DPP10: variants seen among roughly 807,000 people sequenced by gnomAD.
DPP10 encodes the protein dipeptidyl peptidase like 10.
In DPP10, 33 loss-of-function variants were observed where a neutral mutation model predicts 120.9. The observed-to-expected ratio is 0.27, with a 90% CI of 0.21 to 0.37. DPP10 has a LOEUF of 0.37. DPP10 is among the 10% of genes least tolerant of loss of function. The probability of loss-of-function intolerance (pLI) is 1.00; values close to 1 mark genes in which losing one functional copy is unlikely to be tolerated. For synonymous variants in DPP10, 337 were observed against 326.1 expected (o/e 1.03, Z -0.36); for missense variants, 816 against 942.8 (o/e 0.87, Z 1.76).
At chr2:114,922,400 C>T (rs1449247349) in intron 1 of DPP10, among the ~76,000 whole-genome samples, 3 of 152,200 alleles carry the variant, frequency 2.0e-5, no homozygotes, top group Admixed American at 6.5e-5. Context: ...GCAACCTCCG[C>T]TTTCTGGGTT....
intron 1 of DPP10, among the ~76,000 whole-genome samples, chr2:114,509,221 T>C (rs749987497): frequency 6.6e-6 from 1 of 152,244 alleles, no homozygotes; most frequent in Non-Finnish European, 1.5e-5. Context: ...TCTCTTTGGT[T>C]TGAACTAGGT....
intron 3 of DPP10, among the ~76,000 whole-genome samples, chr2:115,435,502 G>A (rs1444685716): frequency 6.6e-6 from 1 of 151,696 alleles, no homozygotes; most frequent in African/African-American, 2.4e-5. Context: ...CTTCTTTTGA[G>A]AAATGTCTGT....
chr2:114,694,141 T>G (rs1448445852), intron 1 of DPP10, among the ~76,000 whole-genome samples: 1 of 151,980 alleles, frequency 6.6e-6, no homozygotes, highest in Admixed American at 6.6e-5. Flanking sequence ...GAAAATTACC[T>G]TTCTTTGAAC....
intron 1 of DPP10, among the ~76,000 whole-genome samples, chr2:114,546,259 A>G (rs1222501642): frequency 1.3e-5 from 2 of 152,180 alleles, no homozygotes; most frequent in African/African-American, 2.4e-5. Context: ...AAAGCTTCCA[A>G]TCATGGCAGA....
chr2:114,973,683 AGT>A (rs1699553429), intron 1 of DPP10, among the ~76,000 whole-genome samples: 2 of 145,096 alleles, frequency 1.4e-5, no homozygotes, highest in African/African-American at 2.5e-5. Context: ...AAAAAAAAAA[AGT>A]TAACTGTAAA....
intron 3 of DPP10, among the ~76,000 whole-genome samples, chr2:115,355,955 G>A (rs1380263165): frequency 6.6e-6 from 1 of 152,160 alleles, no homozygotes; most frequent in Non-Finnish European, 1.5e-5. Flanking sequence ...TTTGGTGACT[G>A]TAGCCATGTA....
Position 115,130,104 on chromosome 2 carries a change from T to C in DPP10, c.61-179135T>C, listed in dbSNP as rs551908236. On this transcript the variant is annotated intron_variant, in intron 1 of 25. Transcript: ENST00000410059. Reference sequence around the variant, plus strand: ...CCCTCCTATCCATATATCTCTACTATCACTCCAAAAATAAAAGTTTCATTG... The same window carrying C: ...CCCTCCTATCCATATATCTCTACTACCACTCCAAAAATAAAAGTTTCATTG... 9.2e-5 allele frequency among the ~76,000 whole-genome samples: 14 copies of C among 152,328 alleles called. No individual in the cohort carries two copies. The South Asian group carries it at 2.9e-3, about 32-fold the overall frequency.
At chr2:115,701,922 G>A (rs1228738837) in intron 7 of DPP10, among the ~76,000 whole-genome samples, 3 of 150,200 alleles carry the variant, frequency 2.0e-5, no homozygotes, top group Non-Finnish European at 4.4e-5. Flanking sequence ...ACCATTTTCG[G>A]TAGGTAAACA....
At chr2:114,719,336 C>A (rs972797611) in intron 1 of DPP10, among the ~76,000 whole-genome samples, 2 of 152,262 alleles carry the variant, frequency 1.3e-5, no homozygotes, top group South Asian at 2.1e-4. Flanking sequence ...TCAAGTCTCA[C>A]CTTGACATTT....
At chr2:114,790,530 G>A (rs1436639344) in intron 1 of DPP10, among the ~76,000 whole-genome samples, 1 of 152,158 alleles carries the variant, frequency 6.6e-6, no homozygotes, top group African/African-American at 2.4e-5. Flanking sequence ...ACATGGCTGT[G>A]TATTTCACCT....
intron 1 of DPP10, among the ~76,000 whole-genome samples, chr2:114,731,162 T>G (rs1198747746): frequency 6.6e-6 from 1 of 151,998 alleles, no homozygotes. Context: ...CTGGACGGTA[T>G]GTACTCAGCT....
At chr2:115,235,194 C>T (rs1301013459) in intron 1 of DPP10, among the ~76,000 whole-genome samples, 1 of 152,086 alleles carries the variant, frequency 6.6e-6, no homozygotes, top group Non-Finnish European at 1.5e-5. Context: ...ATTGGACTTA[C>T]CTTTGTAAGA....
chr2:115,012,039 A>G (rs1402427139), intron 1 of DPP10, among the ~76,000 whole-genome samples: 2 of 152,046 alleles, frequency 1.3e-5, no homozygotes, highest in Non-Finnish European at 2.9e-5. Flanking sequence ...GGCAACCTGG[A>G]TGAGTAAGCA....
chr2:114,641,339 C>T (rs926190814), intron 1 of DPP10, among the ~76,000 whole-genome samples: 10 of 151,852 alleles, frequency 6.6e-5, no homozygotes, highest in Non-Finnish European at 1.2e-4. Context: ...TTTCCATATT[C>T]GTGGCTAGCA....
intron 3 of DPP10, among the ~76,000 whole-genome samples, chr2:115,387,987 C>A (rs2067065653): frequency 6.6e-6 from 1 of 152,100 alleles, no homozygotes; most frequent in Non-Finnish European, 1.5e-5. Context: ...GTGACATTGC[C>A]CTGACAGCTA....
chr2:115,402,939 A>ATG (rs548981394), intron 3 of DPP10, among the ~76,000 whole-genome samples: 10,665 of 133,378 alleles, frequency 0.08, 561 homozygotes, highest in Non-Finnish European at 0.11. Flanking sequence ...GTATATATAT[A>ATG]TGTGTGTGTG....
At chr2:115,334,661 T>G (rs1230127053) in intron 2 of DPP10, among the ~76,000 whole-genome samples, 2 of 151,964 alleles carry the variant, frequency 1.3e-5, no homozygotes, top group Non-Finnish European at 2.9e-5. Context: ...GTAGAAACAT[T>G]TCGGTTGAAG....
At chr2:114,623,774 G>T (rs1694281746) in intron 1 of DPP10, among the ~76,000 whole-genome samples, 1 of 152,052 alleles carries the variant, frequency 6.6e-6, no homozygotes, top group African/African-American at 2.4e-5. Context: ...AAACTTTGGT[G>T]CATTGTCTAA....
intron 1 of DPP10, among the ~76,000 whole-genome samples, chr2:114,948,064 C>T (rs1388737600): frequency 6.6e-6 from 1 of 151,838 alleles, no homozygotes; most frequent in Non-Finnish European, 1.5e-5. Flanking sequence ...ATTATTAATT[C>T]AATACTGACA....
Sources: gnomAD v4.1 joint callset for allele counts (sites outside exome capture counted in the v4.1 genomes callset) on GRCh38, gnomAD v4.1.1 for gene constraint, MANE v1.5 for transcripts, NCBI Gene and HGNC (gene_info 2026-07-23, HGNC 2026-07-21) for gene names.